Variants in KIF3C observed in about 807,000 individuals in gnomAD.
KIF3C encodes the protein kinesin family member 3C.
Under a neutral mutation model 67.7 loss-of-function variants are expected in KIF3C, and 12 were observed. The observed-to-expected ratio is 0.18, with a 90% CI of 0.11 to 0.29. The LOEUF (loss-of-function observed/expected upper bound fraction) is 0.29. KIF3C is among the 10% of genes least tolerant of loss of function. The pLI, the probability that KIF3C is intolerant of heterozygous loss-of-function variation, is 1.00. For synonymous variants in KIF3C, 393 were observed against 426.2 expected (o/e 0.92, Z 0.96); for missense variants, 789 against 1,059.6 (o/e 0.74, Z 3.55).
intron 6 of KIF3C, 107 bp from the exon 7 acceptor site, chr2:25,929,584 G>T: frequency 1.1e-6 from 1 of 918,308 alleles, no homozygotes; most frequent in Non-Finnish European, 1.7e-6. Flanking sequence ...GTTAGGGGAA[G>T]CAGAGGCTGT....
intron 1 of KIF3C, among the ~76,000 whole-genome samples, chr2:25,959,050 G>C (rs1663880841): frequency 6.6e-6 from 1 of 151,976 alleles, no homozygotes. Context: ...CTCCAGCCTG[G>C]GCAACAAGAG....
chr2:25,929,569 A>C, intron 6 of KIF3C, 92 bp from the exon 7 acceptor site: 1 of 1,091,794 alleles, frequency 9.2e-7, no homozygotes, highest in East Asian at 2.4e-5. Context: ...AGGGCTGATG[A>C]GGTGGTTAGG....
chr2:25,934,067 A>AAT (rs2090484407), intron 5 of KIF3C: 1 of 465,552 alleles, frequency 2.1e-6, no homozygotes, highest in South Asian at 1.6e-5. Flanking sequence ...TGAGTGTTCC[A>AAT]ACATGGACGA....
Position 25,956,368 on chromosome 2 carries a change from A to T in KIF3C, c.1622T>A (p.Leu541Gln). Reference sequence around the variant, plus strand: ...CTGCTCGGCAATCTCCTGCCTCTTCAGTTCCAACATCTTCTGCTGTTCGTT... The same window carrying T: ...CTGCTCGGCAATCTCCTGCCTCTTCTGTTCCAACATCTTCTGCTGTTCGTT... ...HTNEQQKMLELKRQEIAEQKR... is the reference protein window; with the variant it reads ...HTNEQQKMLEQKRQEIAEQKR... The change falls in exon 2 of 8, where the codon CTG becomes CAG. Residue 541 changes from leucine (L) to glutamine (Q), a missense_variant. By Grantham distance (113) the Leu-to-Gln change is moderately radical. Around this residue, in one of 2 missense-constraint regions of KIF3C, gnomAD observed 648 missense variants for 807.8 expected, o/e 0.80. Coordinates refer to ENST00000264712, the MANE Select transcript of KIF3C (RefSeq NM_002254.8). 1 of 1,614,188 alleles carries T rather than the reference A, an allele frequency of 6.2e-7. No homozygotes were observed. The highest frequency in any genetic ancestry group is 8.5e-7 in the Non-Finnish European group (1 of 1,180,012).
Position 25,951,916 on chromosome 2 carries a change from G to A in KIF3C, c.1890-11C>T, listed in dbSNP as rs375240475. 1.1e-4 allele frequency: 174 copies of A among 1,571,026 alleles called. 1 individual carries two copies. The highest frequency in any genetic ancestry group is 1.5e-4 in the Non-Finnish European group (173 of 1,141,262). The stretch of plus-strand genomic sequence containing the variant: ...TCGATGATTAGGTACCTGGGAGCAG[G>A]AATGAAGGAGTGATGGGAAAATGGG... On this transcript the variant is annotated splice_polypyrimidine_tract_variant and intron_variant, in intron 4 of 7. Transcript: ENST00000264712.
intron 1 of KIF3C, among the ~76,000 whole-genome samples, chr2:25,971,427 A>G (rs2149242348): frequency 6.6e-6 from 1 of 151,948 alleles, no homozygotes; most frequent in Non-Finnish European, 1.5e-5. Context: ...TGACAGAGAC[A>G]GACTACATCT....
rs772387099 is a variant in KIF3C, at chr2:25,981,417, C to G, written c.501G>C (p.Leu167=). ...LSKEPGKRLE[L]KENPETGVYI... ...AGACGCCAGTCTCGGGGTTCTCTTT[C>G]AGCTCTAGCCTCTTGCCCGGCTCCT... Residue 167 remains leucine (L), a synonymous_variant, in exon 1 of 8, where the codon CTG becomes CTC. Coordinates refer to ENST00000264712, the MANE Select transcript of KIF3C (RefSeq NM_002254.8). The surrounding 1 kb of genome is among the most constrained non-coding windows in gnomAD (Gnocchi z 8.2). 1 of 1,614,230 alleles carries G rather than the reference C, an allele frequency of 6.2e-7. No homozygotes were observed. Among genetic ancestry groups the G allele is most frequent in the South Asian group, 1.1e-5 (1 of 91,082 alleles).
Position 25,955,809 on chromosome 2 carries a change from C to A in KIF3C, c.1648-146G>T. ...CCACATCCACTGCTCCCACCCAATC[C>A]TGCAGAGCCCCTGGGAACCCTCCTC... On this transcript the variant is annotated intron_variant, in intron 2 of 7. Transcript: ENST00000264712. This position sits in a 1 kb window ranked among gnomAD's most constrained non-coding sequence, Gnocchi z 5.0. 1.1e-6 allele frequency: 1 copy of A among 908,310 alleles called. No homozygotes were observed. The highest frequency in any genetic ancestry group is 1.6e-6 in the Non-Finnish European group (1 of 608,244). 56.3% of individuals were successfully genotyped at this position (908,310 alleles called of 1,614,324 possible). A position where few individuals can be genotyped will look rare whatever the true frequency, so the allele number is the denominator to read the frequency against.
At position 25,930,040 on chromosome 2, in the gene KIF3C, C is replaced by T. The variant is rs1212394135; in HGVS notation, c.2030G>A (p.Arg677Gln). 1.9e-6 allele frequency: 3 copies of T among 1,613,914 alleles called. No individual in the cohort carries two copies. The highest frequency in any genetic ancestry group is 2.5e-6 in the Non-Finnish European group (3 of 1,179,918). ...CTTGTAGCCCACTGCAGATGTTGGC[C>T]GCTTCTTCATCTGGCTGCTACTGCT... ...AGVSSSQMKK[R>Q]PTSAVGYKRP... The change falls in exon 6 of 8, where the codon CGG becomes CAG. Residue 677 changes from arginine to glutamine, a missense_variant. Physicochemically the swap from Arg to Gln is conservative, Grantham distance 43 (BLOSUM62 1). Transcript: ENST00000264712.
At chr2:25,970,965 GAAAAA>G (rs970182694) in intron 1 of KIF3C, among the ~76,000 whole-genome samples, 1 of 49,324 alleles carries the variant, frequency 2.0e-5, no homozygotes, top group Non-Finnish European at 3.7e-5. Flanking sequence ...CTCTATGAAG[GAAAAA>G]AAAAAAAAAA....
rs764703396 is a variant in KIF3C at position 25,928,937 on chromosome 2, T to A, written c.*41A>T. ...AGATGAGCCAGGGTTGGCTGCCCCA[T>A]CCCAGGAGTCTATTGGATGGGCAGC... On this transcript the variant is annotated 3_prime_UTR_variant, in exon 8 of 8. Transcript: ENST00000264712. The A allele has an allele frequency of 6.4e-7, 1 of 1,560,690 alleles. No homozygotes were observed. Among genetic ancestry groups the A allele is most frequent in the Non-Finnish European group, 8.8e-7 (1 of 1,136,894 alleles).
chr2:25,956,515 GC>G, intron 1 of KIF3C, 71 bp from the exon 2 acceptor site: 1 of 1,191,916 alleles, frequency 8.4e-7, no homozygotes, highest in Non-Finnish European at 1.2e-6. Flanking sequence ...GAGAGATTTT[GC>G]TTCCCTGCTC....
rs2149233421 is a variant in KIF3C at position 25,954,326 on chromosome 2, G to A, written c.1830C>T (p.Ile610=). ...AEIQDQHDEY[I]RVRQDLEEAQ... ...CCTCCTCCAGGTCCTGCCGCACGCG[G>A]ATATACTCATCATGCTGGTCCTGGA... Residue 610 remains isoleucine (I), a synonymous_variant, in exon 4 of 8, where the codon ATC becomes ATT. Coordinates refer to ENST00000264712, the MANE Select transcript of KIF3C (RefSeq NM_002254.8). The A allele has an allele frequency of 6.2e-7, 1 of 1,614,124 alleles. No homozygotes were observed. Among genetic ancestry groups the A allele is most frequent in the African/African-American group, 1.3e-5 (1 of 75,046 alleles).
chr2:25,956,393 T>G lies in KIF3C; in HGVS notation c.1597A>C (p.Asn533His). 6.2e-7 allele frequency: 1 copy of G among 1,614,158 alleles called. No individual in the cohort carries two copies. The highest frequency in any genetic ancestry group is 8.5e-7 in the Non-Finnish European group (1 of 1,180,032). Residue 533 changes from asparagine (N) to histidine (H), a missense_variant, in exon 2 of 8, where the codon AAC (asparagine) becomes CAC (histidine). Asn to His is a moderately conservative substitution (Grantham distance 68). Coordinates refer to ENST00000264712, the MANE Select transcript of KIF3C (RefSeq NM_002254.8). The part of the protein sequence containing the change: ...IGGRNIMDHT[N>H]EQQKMLELKR... ...AGTTCCAACATCTTCTGCTGTTCGTTGGTGTGATCCATGATGTTCCTGCCC... is the reference window on the plus strand; with the variant it reads ...AGTTCCAACATCTTCTGCTGTTCGTGGGTGTGATCCATGATGTTCCTGCCC...
In KIF3C at chr2:25,980,502, C is replaced by T. The variant is rs1664536427; in HGVS notation, c.1416G>A (p.Lys472=). The part of the protein sequence containing the change: ...QEQKERLEEE[K]AAIQDDRSLV... ...GGCTGCGGTCATCCTGGATGGCTGC[C>T]TTCTCCTCCTCCAGCCGCTCCTTCT... The change falls in exon 1 of 8, where the codon AAG becomes AAA. Residue 472 remains lysine, a synonymous_variant. Transcript: ENST00000264712. The surrounding 1 kb of genome is among the most constrained non-coding windows in gnomAD (Gnocchi z 7.6). 1.2e-6 allele frequency: 2 copies of T among 1,614,044 alleles called. No homozygotes were observed.
intron 4 of KIF3C, among the ~76,000 whole-genome samples, chr2:25,953,501 C>T (rs1166699848): frequency 1.3e-5 from 2 of 150,464 alleles, no homozygotes; most frequent in African/African-American, 4.9e-5. Context: ...GCTGGGACTA[C>T]AGGCGCCCGC....
intron 1 of KIF3C, among the ~76,000 whole-genome samples, chr2:25,962,662 C>A (rs1663978050): frequency 6.9e-6 from 1 of 144,762 alleles, no homozygotes; most frequent in Non-Finnish European, 1.5e-5. Context: ...CAGGCATGAG[C>A]CACTGTGCCT....
chr2:25,971,989 T>C (rs56392181), intron 1 of KIF3C, among the ~76,000 whole-genome samples: 8,337 of 145,026 alleles, frequency 0.057, 534 homozygotes, highest in African/African-American at 0.16. Context: ...ACCCTCCCAA[T>C]ATACTGGGAT....
intron 5 of KIF3C, among the ~76,000 whole-genome samples, chr2:25,943,817 A>G (rs370070556): frequency 2.0e-5 from 3 of 151,992 alleles, no homozygotes; most frequent in East Asian, 3.9e-4. Context: ...GTGAGCCAAG[A>G]TTGCGCAATT....
Sources: allele counts gnomAD v4.1 joint callset (sites outside exome capture counted in the v4.1 genomes callset), GRCh38; gene constraint gnomAD v4.1.1; regional missense constraint gnomAD v4.1.1; non-coding constraint Gnocchi (gnomAD v3.1); transcripts MANE v1.5; gene names NCBI Gene and HGNC (gene_info 2026-07-23, HGNC 2026-07-21).